ATXN7L1: variants seen among roughly 807,000 people sequenced by gnomAD.
ATXN7L1 encodes the protein ataxin 7 like 1.
In ATXN7L1, 15 loss-of-function variants were observed where a neutral mutation model predicts 70.8. The observed-to-expected ratio is 0.21, with a 90% CI of 0.14 to 0.33. The LOEUF (loss-of-function observed/expected upper bound fraction) is 0.33. Among genes scored for constraint, ATXN7L1 ranks in the 10% least tolerant of loss-of-function variants. ATXN7L1 has a pLI of 1.00. For missense variants in ATXN7L1, 975 were observed against 1,097.1 expected, an observed-to-expected ratio of 0.89 and a Z score of 1.57; for synonymous variants, 440 against 445.1, an observed-to-expected ratio of 0.99 and a Z score of 0.14.
chr7:105,657,398 G>C (rs1193939111), intron 4 of ATXN7L1, among the ~76,000 whole-genome samples: 1 of 152,084 alleles, frequency 6.6e-6, no homozygotes, highest in East Asian at 1.9e-4. Flanking sequence ...ACCACTTCAG[G>C]CTACTAAGCA....
chr7:105,771,235 A>ATAG (rs1801966575), intron 3 of ATXN7L1, among the ~76,000 whole-genome samples: 1 of 147,450 alleles, frequency 6.8e-6, no homozygotes, highest in African/African-American at 2.5e-5. Flanking sequence ...AATAATAATA[A>ATAG]TAATACAGAC....
chr7:105,618,699 A>G (rs1432311781), intron 9 of ATXN7L1, among the ~76,000 whole-genome samples: 1 of 152,074 alleles, frequency 6.6e-6, no homozygotes, highest in Admixed American at 6.6e-5. Context: ...TCCTTCCTGG[A>G]CTGTCTAGGC....
intron 2 of ATXN7L1, among the ~76,000 whole-genome samples, chr7:105,849,923 T>C (rs138563240): frequency 6.6e-6 from 1 of 152,350 alleles, no homozygotes; most frequent in East Asian, 1.9e-4. Flanking sequence ...TCATGCTTTA[T>C]CTTAAAAATT....
chr7:105,766,929 A>G (rs1801337998), intron 3 of ATXN7L1, among the ~76,000 whole-genome samples: 1 of 152,226 alleles, frequency 6.6e-6, no homozygotes, highest in Non-Finnish European at 1.5e-5. Context: ...TCCTTTCACC[A>G]GTGGATTCAA....
chr7:105,850,696 A>G (rs1397407980), intron 2 of ATXN7L1, among the ~76,000 whole-genome samples: 1 of 152,178 alleles, frequency 6.6e-6, no homozygotes, highest in African/African-American at 2.4e-5. Flanking sequence ...TCTGCACAGA[A>G]GGGGTACCCA....
intron 7 of ATXN7L1, among the ~76,000 whole-genome samples, chr7:105,625,784 C>T (rs73192172): frequency 0.096 from 14,569 of 152,184 alleles, 762 homozygotes; most frequent in Middle Eastern, 0.17. Flanking sequence ...AAGGCAAAAC[C>T]AAAATCAAAC....
intron 4 of ATXN7L1, among the ~76,000 whole-genome samples, chr7:105,658,418 T>A: frequency 6.6e-6 from 1 of 152,152 alleles, no homozygotes; most frequent in Non-Finnish European, 1.5e-5. Context: ...AGTGTAAGTA[T>A]TTGTGTGTCT....
intron 3 of ATXN7L1, among the ~76,000 whole-genome samples, chr7:105,749,440 G>A (rs777099910): frequency 2.8e-4 from 43 of 151,760 alleles, no homozygotes; most frequent in Non-Finnish European, 5.4e-4. Context: ...AGTCTTCGGA[G>A]TTGTCATTTG....
chr7:105,865,799 C>A (rs1251572627), intron 2 of ATXN7L1, among the ~76,000 whole-genome samples: 2 of 152,128 alleles, frequency 1.3e-5, no homozygotes, highest in Non-Finnish European at 2.9e-5. Context: ...AGAACTTTTG[C>A]ATCTTCCCCA....
chr7:105,855,157 G>C (rs1396179766), intron 2 of ATXN7L1, among the ~76,000 whole-genome samples: 1 of 152,126 alleles, frequency 6.6e-6, no homozygotes, highest in African/African-American at 2.4e-5. Context: ...GTTTCACCCT[G>C]TTGGCCAGGA....
At chr7:105,844,424 A>T (rs1421476976) in intron 2 of ATXN7L1, among the ~76,000 whole-genome samples, 1 of 152,242 alleles carries the variant, frequency 6.6e-6, no homozygotes, top group Non-Finnish European at 1.5e-5. Context: ...GAGTGGTTCA[A>T]CATATGAAAA....
chr7:105,681,114 C>A (rs901562460), intron 3 of ATXN7L1, among the ~76,000 whole-genome samples: 2 of 152,190 alleles, frequency 1.3e-5, no homozygotes, highest in Non-Finnish European at 2.9e-5. Flanking sequence ...CAAAAACAGG[C>A]AGGTTCAATC....
chr7:105,660,959 T>C (rs1381083033), intron 4 of ATXN7L1, among the ~76,000 whole-genome samples: 1 of 152,208 alleles, frequency 6.6e-6, no homozygotes, highest in Non-Finnish European at 1.5e-5. Context: ...ACCAACCTCA[T>C]AGTCCTTATC....
At chr7:105,718,972 G>A (rs1794883099) in intron 3 of ATXN7L1, among the ~76,000 whole-genome samples, 2 of 152,212 alleles carry the variant, frequency 1.3e-5, no homozygotes, top group Non-Finnish European at 1.5e-5. Context: ...ATGAACAGCA[G>A]CCGGGAAGCA....
intron 3 of ATXN7L1, among the ~76,000 whole-genome samples, chr7:105,758,654 A>C (rs558224577): frequency 6.6e-6 from 1 of 152,288 alleles, no homozygotes; most frequent in South Asian, 2.1e-4. Context: ...CCTGGCCACC[A>C]CCCAGTTTTT....
chr7:105,700,394 C>T (rs957296994), intron 3 of ATXN7L1, among the ~76,000 whole-genome samples: 3 of 150,636 alleles, frequency 2.0e-5, no homozygotes, highest in African/African-American at 7.3e-5. Flanking sequence ...GTTGTCCCAG[C>T]TACTTAGGAG....
At position 105,820,011 on chromosome 7, in the gene ATXN7L1, C is replaced by T. The variant is rs916000997; in HGVS notation, c.251-31303G>A. On this transcript the variant is annotated intron_variant, in intron 2 of 11. Coordinates refer to ENST00000419735, the MANE Select transcript of ATXN7L1 (RefSeq NM_020725.2). ...TCCACTATCGGAAGAAGAAACAGCT[C>T]ATGAGGCTATGGAAACCGGGTGAAA... The T allele has an allele frequency of 3.8e-5, 17 of 449,284 alleles. No homozygotes were observed. The Admixed American group carries it at 4.4e-4, about 11-fold the overall frequency. 27.8% of individuals were successfully genotyped at this position (449,284 alleles called of 1,614,324 possible). A position where few individuals can be genotyped will look rare whatever the true frequency, so the allele number is the denominator to read the frequency against.
intron 7 of ATXN7L1, among the ~76,000 whole-genome samples, chr7:105,626,767 GA>G (rs1326131763): frequency 2.6e-5 from 4 of 151,438 alleles, no homozygotes; most frequent in South Asian, 2.1e-4. Flanking sequence ...ATAAAAAAAA[GA>G]AAAAAAACCA....
At chr7:105,643,270 T>C in intron 4 of ATXN7L1, 149 bp from the exon 5 acceptor site, 1 of 982,468 alleles carries the variant, frequency 1.0e-6, no homozygotes, top group Non-Finnish European at 1.5e-6. Flanking sequence ...CCAGTTTTGA[T>C]GGGAGAGAGT....
Sources: gnomAD v4.1 joint callset for allele counts (sites outside exome capture counted in the v4.1 genomes callset) on GRCh38, gnomAD v4.1.1 for gene constraint, MANE v1.5 for transcripts, NCBI Gene and HGNC (gene_info 2026-07-23, HGNC 2026-07-21) for gene names.